The following IL1RAPL1 variants were observed in gnomAD, a reference collection of about 807,000 sequenced individuals.
IL1RAPL1 encodes interleukin 1 receptor accessory protein like 1.
IL1RAPL1 carries 3 observed loss-of-function variants against 48.4 expected under a neutral mutation model. That is an observed-to-expected ratio of 0.06 (90% CI 0.03 to 0.16). The LOEUF is 0.16. Among genes scored for constraint, IL1RAPL1 ranks in the 10% least tolerant of loss-of-function variants. IL1RAPL1 has a pLI of 1.00. For synonymous variants in IL1RAPL1, 185 were observed against 187.7 expected (o/e 0.99, Z 0.12); for missense variants, 349 against 530.6 (o/e 0.66, Z 3.36).
chrX:28,971,820 G>A (rs760339265), intron 2 of IL1RAPL1, among the ~76,000 whole-genome samples: 1 of 108,956 alleles, frequency 9.2e-6, no homozygotes, highest in African/African-American at 3.4e-5. Flanking sequence ...ATGAGGGGGA[G>A]GTCATACACG....
chrX:29,380,227 GT>G (rs954191490), intron 3 of IL1RAPL1, among the ~76,000 whole-genome samples: 1 of 109,669 alleles, frequency 9.1e-6, no homozygotes, highest in Non-Finnish European at 1.9e-5. Flanking sequence ...TTTATTTTGT[GT>G]TTTTTTGTTT....
chrX:28,975,195 G>A (rs766308628), intron 2 of IL1RAPL1, among the ~76,000 whole-genome samples: 1 of 111,669 alleles, frequency 9.0e-6, no homozygotes, highest in South Asian at 3.8e-4. Flanking sequence ...GTATTGTGGT[G>A]AATACTTGTT....
At chrX:28,971,875 A>ATT (rs1479667542) in intron 2 of IL1RAPL1, among the ~76,000 whole-genome samples, 3 of 50,346 alleles carry the variant, frequency 6.0e-5, no homozygotes, top group African/African-American at 1.1e-4. Flanking sequence ...AACTCTGAAA[A>ATT]TTGTGTGTGT....
chrX:28,843,250 G>C (rs1444188821), intron 2 of IL1RAPL1, among the ~76,000 whole-genome samples: 1 of 108,525 alleles, frequency 9.2e-6, no homozygotes, highest in Non-Finnish European at 1.9e-5. Context: ...TTAATGAGCT[G>C]AACGTAAAAG....
chrX:29,171,671 G>C (rs1365724937), intron 2 of IL1RAPL1, among the ~76,000 whole-genome samples: 1 of 112,126 alleles, frequency 8.9e-6, no homozygotes, highest in Non-Finnish European at 1.9e-5. Flanking sequence ...TAGAAGTAAA[G>C]TTAGTTAACA....
intron 5 of IL1RAPL1, among the ~76,000 whole-genome samples, chrX:29,567,406 G>T (rs1245952654): frequency 1.8e-5 from 2 of 111,803 alleles, no homozygotes; most frequent in East Asian, 2.8e-4. Flanking sequence ...ATTTAGTGGA[G>T]AGGAAGGTTT....
intron 2 of IL1RAPL1, among the ~76,000 whole-genome samples, chrX:29,282,564 TC>T (rs1224133623): frequency 9.0e-6 from 1 of 111,596 alleles, no homozygotes; most frequent in Non-Finnish European, 1.9e-5. Context: ...CAGTGCCCTC[TC>T]CCCACAAAGC....
intron 1 of IL1RAPL1, among the ~76,000 whole-genome samples, chrX:28,740,103 T>C (rs1341021575): frequency 9.0e-6 from 1 of 111,188 alleles, no homozygotes; most frequent in East Asian, 2.8e-4. Context: ...ATCGTAGAAA[T>C]CTTACCTGGT....
chrX:28,781,429 G>A (rs1323069884), intron 1 of IL1RAPL1, among the ~76,000 whole-genome samples: 1 of 109,652 alleles, frequency 9.1e-6, no homozygotes, highest in Admixed American at 9.9e-5. Context: ...AAGCCAAAAG[G>A]AAATAATCTC....
intron 1 of IL1RAPL1, among the ~76,000 whole-genome samples, chrX:28,734,449 A>G (rs1489314097): frequency 9.1e-6 from 1 of 110,496 alleles, no homozygotes; most frequent in Non-Finnish European, 1.9e-5. Context: ...ACATGTGCCT[A>G]CCTTAAGGAT....
intron 2 of IL1RAPL1, among the ~76,000 whole-genome samples, chrX:28,893,773 C>T (rs907552244): frequency 9.0e-6 from 1 of 111,678 alleles, no homozygotes; most frequent in Non-Finnish European, 1.9e-5. Context: ...GTAACCTACA[C>T]AGAAGAGGTT....
At chrX:29,197,351 T>G (rs761298601) in intron 2 of IL1RAPL1, among the ~76,000 whole-genome samples, 3 of 111,655 alleles carry the variant, frequency 2.7e-5, no homozygotes, top group Non-Finnish European at 5.6e-5. Context: ...GAGAATTATC[T>G]CAGGCTCTCT....
chrX:29,237,913 G>A (rs1931339900), intron 2 of IL1RAPL1, among the ~76,000 whole-genome samples: 1 of 112,398 alleles, frequency 8.9e-6, no homozygotes, highest in South Asian at 3.7e-4. Context: ...TTGATTGCAA[G>A]TTTCAAAGAC....
intron 2 of IL1RAPL1, among the ~76,000 whole-genome samples, chrX:28,932,170 T>A (rs2147343789): frequency 8.9e-6 from 1 of 111,836 alleles, no homozygotes; most frequent in East Asian, 2.8e-4. Flanking sequence ...TTTTATATTT[T>A]ATAGTACTTT....
At chrX:29,638,178 CG>C (rs1430531662) in intron 5 of IL1RAPL1, among the ~76,000 whole-genome samples, 1 of 111,018 alleles carries the variant, frequency 9.0e-6, no homozygotes, top group African/African-American at 3.3e-5. Context: ...GCTGAATGAA[CG>C]GTGACATTTT....
intron 2 of IL1RAPL1, among the ~76,000 whole-genome samples, chrX:28,825,042 T>C (rs1264638199): frequency 1.8e-5 from 2 of 111,501 alleles, no homozygotes; most frequent in African/African-American, 6.5e-5. Context: ...GAGGATATGT[T>C]CCACTGTGAC....
chrX:28,989,780 A>G (rs1429137631), intron 2 of IL1RAPL1, among the ~76,000 whole-genome samples: 2 of 112,293 alleles, frequency 1.8e-5, no homozygotes, highest in Non-Finnish European at 3.8e-5. Context: ...AATTTCCATC[A>G]TAGTATAATA....
Position 28,836,513 on chromosome X carries a change from G to A in IL1RAPL1, c.82+47088G>A, listed in dbSNP as rs1051173238. On this transcript the variant is annotated intron_variant, in intron 2 of 10. Transcript: ENST00000378993. ...CTCTCTTTGAAATTAAGGGGCCAAGGGAAAACAAGACCATTTGTCTAAATT... is the reference window on the plus strand; with the variant it reads ...CTCTCTTTGAAATTAAGGGGCCAAGAGAAAACAAGACCATTTGTCTAAATT... 7.4e-5 allele frequency among the ~76,000 whole-genome samples: 8 copies of A among 108,100 alleles called. No individual in the cohort carries two copies. In the East Asian group the frequency reaches 1.2e-3, roughly 16 times the overall value. The allele number at this position is 108,100 out of a possible 115,157, so 93.9% of individuals were successfully genotyped here.
intron 2 of IL1RAPL1, among the ~76,000 whole-genome samples, chrX:28,972,693 C>A (rs973823207): frequency 9.0e-6 from 1 of 111,254 alleles, no homozygotes; most frequent in Non-Finnish European, 1.9e-5. Context: ...GAGCCGAGAT[C>A]GTGCCACTGC....
Sources: gnomAD v4.1 joint callset for allele counts (sites outside exome capture counted in the v4.1 genomes callset) on GRCh38, gnomAD v4.1.1 for gene constraint, MANE v1.5 for transcripts, NCBI Gene and HGNC (gene_info 2026-07-23, HGNC 2026-07-21) for gene names.